The following GABRG3 variants were observed in gnomAD, a reference collection of about 807,000 sequenced individuals.
GABRG3 encodes gamma-aminobutyric acid receptor subunit gamma-3.
A neutral mutation model predicts 48.8 loss-of-function variants in GABRG3; 25 were observed. The ratio of observed to expected loss-of-function variants is 0.51; its 90% CI spans 0.37 to 0.72. GABRG3 has a LOEUF of 0.72. Among genes scored for constraint, GABRG3 ranks in the 30% least tolerant of loss-of-function variants. GABRG3 has a pLI of 0.00. For synonymous variants in GABRG3, 227 were observed against 217.6 expected (o/e 1.04, Z -0.38); for missense variants, 394 against 577.9 (o/e 0.68, Z 3.26).
intron 3 of GABRG3, among the ~76,000 whole-genome samples, chr15:27,186,989 T>G (rs2140419919): frequency 6.6e-6 from 1 of 152,308 alleles, no homozygotes; most frequent in Non-Finnish European, 1.5e-5. Flanking sequence ...CATTCAATTC[T>G]TTGCCACAAC....
chr15:27,014,405 T>C (rs74918950), intron 2 of GABRG3, among the ~76,000 whole-genome samples: 7,817 of 151,950 alleles, frequency 0.051, 272 homozygotes, highest in East Asian at 0.18. Context: ...AGGGTTTTCC[T>C]CCTTTTTTAA....
intron 3 of GABRG3, among the ~76,000 whole-genome samples, chr15:27,033,979 T>C (rs1381920081): frequency 6.6e-6 from 1 of 152,152 alleles, no homozygotes; most frequent in Non-Finnish European, 1.5e-5. Context: ...GCAAGCTTCT[T>C]AGAAATGCAG....
chr15:27,189,068 T>A (rs1888202946), intron 3 of GABRG3, among the ~76,000 whole-genome samples: 1 of 152,186 alleles, frequency 6.6e-6, no homozygotes, highest in Admixed American at 6.5e-5. Flanking sequence ...GAGGGCTCTG[T>A]TCTGTTCCAT....
At chr15:27,073,068 C>T (rs1300597636) in intron 3 of GABRG3, among the ~76,000 whole-genome samples, 1 of 152,248 alleles carries the variant, frequency 6.6e-6, no homozygotes, top group Non-Finnish European at 1.5e-5. Flanking sequence ...GATACCTGAG[C>T]AGTCTGTTGA....
chr15:27,333,742 G>A (rs1171625925), intron 5 of GABRG3, among the ~76,000 whole-genome samples: 1 of 152,226 alleles, frequency 6.6e-6, no homozygotes, highest in South Asian at 2.1e-4. Context: ...CTGCCTGGTC[G>A]ATATGCCACT....
intron 5 of GABRG3, among the ~76,000 whole-genome samples, chr15:27,339,175 C>G (rs1306601092): frequency 6.6e-6 from 1 of 152,230 alleles, no homozygotes; most frequent in Non-Finnish European, 1.5e-5. Context: ...GCCCCGGGTC[C>G]TCTCACACAG....
intron 9 of GABRG3, chr15:27,530,659 A>G (rs1299790591): frequency 2.1e-6 from 1 of 471,088 alleles, no homozygotes; most frequent in Non-Finnish European, 4.4e-6. Context: ...GTTGCCCTTT[A>G]GATCTCTGGT....
At position 27,313,293 on chromosome 15, in the gene GABRG3, T is replaced by TGG. The variant is rs1452192064; in HGVS notation, c.271-13516_271-13515insGG. On this transcript the variant is annotated intron_variant, in intron 3 of 9. Transcript: ENST00000615808. Reference sequence around the variant, plus strand: ...ATATATATATATATATATATATATATATATATATATATATATACCCAACAT... The same window carrying TGG: ...ATATATATATATATATATATATATATGGATATATATATATATATACCCAACAT... 4.8e-5 allele frequency among the ~76,000 whole-genome samples: 5 copies of TGG among 104,318 alleles called. 1 individual carries two copies. Among genetic ancestry groups the TGG allele is most frequent in the African/African-American group, 2.0e-4 (5 of 24,872 alleles). 68.4% of individuals were successfully genotyped at this position (104,318 alleles called of 152,430 possible).
intron 3 of GABRG3, among the ~76,000 whole-genome samples, chr15:27,277,302 A>G (rs1044496207): frequency 1.3e-5 from 2 of 152,230 alleles, no homozygotes. Flanking sequence ...AAAAAGTGTG[A>G]CAGATGGTCA....
intron 3 of GABRG3, among the ~76,000 whole-genome samples, chr15:27,231,526 C>A (rs1222266866): frequency 6.6e-6 from 1 of 152,108 alleles, no homozygotes; most frequent in Non-Finnish European, 1.5e-5. Flanking sequence ...AGTCACCTGT[C>A]AATTTCTGAA....
At chr15:27,527,892 T>G (rs1891318165) in intron 8 of GABRG3, 41 bp from the exon 9 acceptor site, 2 of 1,457,762 alleles carry the variant, frequency 1.4e-6, no homozygotes, top group East Asian at 4.9e-5. Flanking sequence ...ATGCAAATGT[T>G]CATGACAGTT....
chr15:27,361,043 C>T (rs1389709584), intron 5 of GABRG3, among the ~76,000 whole-genome samples: 1 of 152,210 alleles, frequency 6.6e-6, no homozygotes, highest in African/African-American at 2.4e-5. Flanking sequence ...GAGGCTGAGA[C>T]ACAGTCAGCT....
At chr15:27,083,164 A>C (rs1897018979) in intron 3 of GABRG3, among the ~76,000 whole-genome samples, 1 of 152,202 alleles carries the variant, frequency 6.6e-6, no homozygotes, top group Non-Finnish European at 1.5e-5. Context: ...GGCAGGGAAA[A>C]ATAGAGGCAG....
intron 2 of GABRG3, among the ~76,000 whole-genome samples, chr15:27,015,830 T>A (rs1895769237): frequency 6.6e-6 from 1 of 152,148 alleles, no homozygotes; most frequent in African/African-American, 2.4e-5. Flanking sequence ...ATATAAAAAT[T>A]ATATTTCTTC....
chr15:27,331,286 A>G (rs755457562), intron 5 of GABRG3, among the ~76,000 whole-genome samples: 8 of 152,216 alleles, frequency 5.3e-5, no homozygotes, highest in Non-Finnish European at 1.0e-4. Context: ...CAAAACTTGC[A>G]TACAGGTGTT....
rs1891519039 is a variant in GABRG3 at position 27,535,097 on chromosome 15, CA to C, written c.*2219del. 6.6e-6 allele frequency: 1 copy of C among 152,138 alleles called. No homozygotes were observed. The highest frequency in any genetic ancestry group is 2.1e-4 in the South Asian group (1 of 4,828). The allele number at this position is 152,138 out of a possible 1,614,324, so 9.4% of individuals were successfully genotyped here. ...AGAAGTATTCTGCAAGGACCCTGAC[CA>C]AAGGAATCCAAGTCACACCACAGCA... On this transcript the variant is annotated 3_prime_UTR_variant, in exon 10 of 10. Transcript: ENST00000615808.
intron 5 of GABRG3, among the ~76,000 whole-genome samples, chr15:27,405,580 G>T (rs1472808280): frequency 6.6e-6 from 1 of 152,124 alleles, no homozygotes; most frequent in East Asian, 1.9e-4. Context: ...TTTCACTTAT[G>T]CATTCGAGAA....
intron 3 of GABRG3, among the ~76,000 whole-genome samples, chr15:27,190,459 G>T (rs58406176): frequency 1.3e-5 from 2 of 152,168 alleles, no homozygotes; most frequent in African/African-American, 4.8e-5. Flanking sequence ...TCTTGGGAGA[G>T]TGTATGTGTT....
At chr15:27,456,017 T>C (rs1292491990) in intron 5 of GABRG3, among the ~76,000 whole-genome samples, 1 of 152,172 alleles carries the variant, frequency 6.6e-6, no homozygotes, top group Non-Finnish European at 1.5e-5. Context: ...CCCCAGTGTG[T>C]TCTGACATCT....
Sources: gnomAD v4.1 joint callset for allele counts (sites outside exome capture counted in the v4.1 genomes callset) on GRCh38, gnomAD v4.1.1 for gene constraint, MANE v1.5 for transcripts, NCBI Gene and HGNC (gene_info 2026-07-23, HGNC 2026-07-21) for gene names.